The following ATRNL1 variants were observed in gnomAD, a reference collection of about 807,000 sequenced individuals.
The protein encoded by ATRNL1 is attractin-like protein 1.
A neutral mutation model predicts 182.7 loss-of-function variants in ATRNL1; 95 were observed. The ratio of observed to expected loss-of-function variants is 0.52; its 90% CI spans 0.44 to 0.62. The LOEUF (loss-of-function observed/expected upper bound fraction) is 0.62. ATRNL1 is among the 20% of genes least tolerant of loss of function. The pLI is 0.00. For synonymous variants in ATRNL1, 576 were observed against 568.3 expected, an observed-to-expected ratio of 1.01 and a Z score of -0.19; for missense variants, 1,471 against 1,679.5, an observed-to-expected ratio of 0.88 and a Z score of 2.17.
At chr10:115,123,001 C>T (rs61880797) in intron 3 of ATRNL1, among the ~76,000 whole-genome samples, 2 of 152,116 alleles carry the variant, frequency 1.3e-5, no homozygotes, top group African/African-American at 4.8e-5. Context: ...GACTGACCAT[C>T]ATTTAGATGT....
chr10:115,627,744 T>C (rs1858200322), intron 26 of ATRNL1, among the ~76,000 whole-genome samples: 2 of 152,280 alleles, frequency 1.3e-5, no homozygotes, highest in Admixed American at 1.3e-4. Context: ...TTTTGGCAAT[T>C]GTGAATAGTG....
At chr10:115,112,647 G>T (rs1302394782) in intron 1 of ATRNL1, among the ~76,000 whole-genome samples, 3 of 152,146 alleles carry the variant, frequency 2.0e-5, no homozygotes, top group African/African-American at 7.2e-5. Flanking sequence ...AAAAGTTTAG[G>T]AGGACAATGC....
chr10:115,516,990 A>G (rs1403255867), intron 24 of ATRNL1, among the ~76,000 whole-genome samples: 2 of 151,952 alleles, frequency 1.3e-5, no homozygotes, highest in African/African-American at 4.8e-5. Context: ...TCCTGCTATT[A>G]GAACATAAAA....
At chr10:115,125,055 A>G (rs10885655) in intron 3 of ATRNL1, among the ~76,000 whole-genome samples, 33,218 of 152,178 alleles carry the variant, frequency 0.22, 4,651 homozygotes, top group Non-Finnish European at 0.31. Flanking sequence ...ATACAAAGGT[A>G]TAGACACATT....
rs1309815740 is a variant in ATRNL1 at position 115,389,538 on chromosome 10, GTGTATATATATATA to G, written c.3176-5119_3176-5106del. ...AGCTGAATAGTATTCAAATGTGTAT[GTGTATATATATATA>G]TATATATATATATATATATATATAT... On this transcript the variant is annotated intron_variant, in intron 19 of 28. Transcript: ENST00000355044. Among the ~76,000 whole-genome samples, 48 of 51,408 alleles carry G rather than the reference GTGTATATATATATA, an allele frequency of 9.3e-4. 2 individuals are homozygous for G. The highest frequency in any genetic ancestry group is 1.5e-3 in the African/African-American group (15 of 10,014). The allele number at this position is 51,408 out of a possible 152,430, so 33.7% of individuals were successfully genotyped here. A position where few individuals can be genotyped will look rare whatever the true frequency, so the allele number is the denominator to read the frequency against.
chr10:115,376,182 GT>G (rs1315754503), intron 19 of ATRNL1, among the ~76,000 whole-genome samples: 1 of 151,476 alleles, frequency 6.6e-6, no homozygotes, highest in African/African-American at 2.4e-5. Context: ...TAAGGTTGTT[GT>G]TTTTTTTAAA....
intron 27 of ATRNL1, among the ~76,000 whole-genome samples, chr10:115,773,272 A>G (rs973980007): frequency 3.9e-5 from 6 of 152,118 alleles, no homozygotes; most frequent in African/African-American, 1.4e-4. Flanking sequence ...TTCCTTTCAG[A>G]TTTCTTCATT....
intron 19 of ATRNL1, among the ~76,000 whole-genome samples, chr10:115,390,137 G>T (rs368708374): frequency 1.3e-5 from 2 of 152,048 alleles, no homozygotes; most frequent in Non-Finnish European, 1.5e-5. Context: ...TTTTCTCCCG[G>T]TATGTGGATT....
intron 26 of ATRNL1, among the ~76,000 whole-genome samples, chr10:115,687,813 T>A (rs1555046775): frequency 6.6e-6 from 1 of 152,106 alleles, no homozygotes; most frequent in East Asian, 1.9e-4. Flanking sequence ...TGTATTGGTA[T>A]TCTTTCAAGT....
intron 9 of ATRNL1, among the ~76,000 whole-genome samples, chr10:115,238,387 T>C (rs1850272889): frequency 6.6e-6 from 1 of 152,218 alleles, no homozygotes; most frequent in Non-Finnish European, 1.5e-5. Flanking sequence ...TGTGTTCATG[T>C]ACTATCTCTT....
intron 19 of ATRNL1, among the ~76,000 whole-genome samples, chr10:115,343,211 C>T (rs573365739): frequency 1.8e-4 from 28 of 152,228 alleles, no homozygotes; most frequent in African/African-American, 6.5e-4. Flanking sequence ...AATAAACTTT[C>T]TACCCTTATC....
intron 17 of ATRNL1, among the ~76,000 whole-genome samples, chr10:115,308,929 G>A (rs550727915): frequency 4.6e-5 from 7 of 152,024 alleles, no homozygotes; most frequent in Admixed American, 6.6e-5. Flanking sequence ...GTTGATTTTT[G>A]TATATGGTGA....
At chr10:115,182,950 G>A (rs1450796050) in intron 8 of ATRNL1, among the ~76,000 whole-genome samples, 1 of 151,216 alleles carries the variant, frequency 6.6e-6, no homozygotes. Context: ...AACTAATAAA[G>A]TTGAAGTTAA....
At chr10:115,290,494 A>G (rs1852845493) in intron 15 of ATRNL1, among the ~76,000 whole-genome samples, 1 of 152,130 alleles carries the variant, frequency 6.6e-6, no homozygotes, top group Non-Finnish European at 1.5e-5. Context: ...GTCTCTACTA[A>G]AAATATAAAA....
intron 5 of ATRNL1, among the ~76,000 whole-genome samples, chr10:115,139,244 G>T (rs189059197): frequency 6.6e-6 from 1 of 152,124 alleles, no homozygotes; most frequent in African/African-American, 2.4e-5. Flanking sequence ...GCCTTTCAAA[G>T]CGTTTCAACC....
At chr10:115,803,137 C>A (rs1555084751) in intron 27 of ATRNL1, among the ~76,000 whole-genome samples, 1 of 152,128 alleles carries the variant, frequency 6.6e-6, no homozygotes, top group Non-Finnish European at 1.5e-5. Flanking sequence ...CACTAAAAGG[C>A]AAAATGCTGC....
intron 28 of ATRNL1, among the ~76,000 whole-genome samples, chr10:115,864,526 T>C (rs1366214224): frequency 2.0e-5 from 3 of 152,112 alleles, no homozygotes; most frequent in African/African-American, 7.2e-5. Flanking sequence ...AGCAGTAAAT[T>C]TGTAATAAAG....
At chr10:115,779,860 T>A (rs1019637746) in intron 27 of ATRNL1, among the ~76,000 whole-genome samples, 1 of 152,190 alleles carries the variant, frequency 6.6e-6, no homozygotes, top group African/African-American at 2.4e-5. Flanking sequence ...CATATTGTCT[T>A]ATACACACAT....
In ATRNL1 at chr10:115,799,743, A is replaced by G. The variant is rs115514683; in HGVS notation, c.3904-48134A>G. On this transcript the variant is annotated intron_variant, in intron 27 of 28. Transcript: ENST00000355044. The stretch of plus-strand genomic sequence containing the variant: ...TGGCCATTTAGCTAATCTCATAATA[A>G]CACAACCCTACATTTTACACAGCTG... Among the ~76,000 whole-genome samples the G allele has an allele frequency of 5.3e-3, 808 of 152,270 alleles. 12 individuals are homozygous for G. Among genetic ancestry groups the G allele is most frequent in the African/African-American group, 0.019 (772 of 41,560 alleles).
Sources: gnomAD v4.1 joint callset for allele counts (sites outside exome capture counted in the v4.1 genomes callset) on GRCh38, gnomAD v4.1.1 for gene constraint, MANE v1.5 for transcripts, NCBI Gene and HGNC (gene_info 2026-07-23, HGNC 2026-07-21) for gene names.